The following KAZN variants were observed in gnomAD, a reference collection of about 807,000 sequenced individuals.
KAZN encodes the protein kazrin, periplakin interacting protein.
KAZN carries 40 observed loss-of-function variants against 87.4 expected under a neutral mutation model. That is an observed-to-expected ratio of 0.46 (90% CI 0.36 to 0.60). The LOEUF is 0.60. Ranked by LOEUF, KAZN falls within the 20% of genes least tolerant of loss-of-function variation. KAZN has a pLI of 0.00. For synonymous variants in KAZN, 466 were observed against 458.3 expected (o/e 1.02, Z -0.22); for missense variants, 898 against 1,073.9 (o/e 0.84, Z 2.29).
chr1:14,386,805 T>A (rs1169142656), intron 2 of KAZN, among the ~76,000 whole-genome samples: 1 of 152,062 alleles, frequency 6.6e-6, no homozygotes. Context: ...GAGTTGCTCT[T>A]CTCAAGGAGT....
At chr1:14,463,033 T>C (rs1301106343) in intron 2 of KAZN, among the ~76,000 whole-genome samples, 2 of 152,182 alleles carry the variant, frequency 1.3e-5, no homozygotes, top group African/African-American at 4.8e-5. Flanking sequence ...GGCCCAGGAT[T>C]GGCAACTTAC....
chr1:14,922,280 G>A (rs1266676352), intron 1 of KAZN, among the ~76,000 whole-genome samples: 2 of 152,152 alleles, frequency 1.3e-5, no homozygotes, highest in Non-Finnish European at 2.9e-5. Context: ...AGACAGTCCT[G>A]GACCAGATTC....
chr1:14,165,840 AG>A (rs1645813863), intron 1 of KAZN, among the ~76,000 whole-genome samples: 1 of 152,152 alleles, frequency 6.6e-6, no homozygotes, highest in Non-Finnish European at 1.5e-5. Flanking sequence ...CATGTAGATC[AG>A]GCAAACAGTT....
At chr1:14,192,746 C>T (rs935172077) in intron 2 of KAZN, among the ~76,000 whole-genome samples, 3 of 152,132 alleles carry the variant, frequency 2.0e-5, no homozygotes, top group African/African-American at 7.2e-5. Context: ...CAAATGGATG[C>T]CCTACACTGC....
chr1:14,766,317 G>A (rs4661302), intron 1 of KAZN, among the ~76,000 whole-genome samples: 131,227 of 151,694 alleles, frequency 0.87, 57,255 homozygotes, highest in Middle Eastern at 0.93. Flanking sequence ...GTTGCCCCCA[G>A]TTGCACCATA....
intron 1 of KAZN, among the ~76,000 whole-genome samples, chr1:14,688,605 C>G (rs1572228166): frequency 6.6e-6 from 1 of 152,318 alleles, no homozygotes; most frequent in East Asian, 1.9e-4. Flanking sequence ...AAAGCAGCAG[C>G]AAGGGAGGGG....
At chr1:14,180,660 G>A in intron 2 of KAZN, 1 of 1,344,990 alleles carries the variant, frequency 7.4e-7, no homozygotes, top group Non-Finnish European at 1.0e-6. Context: ...GGCATAAGCT[G>A]TCCAAAAATG....
chr1:13,975,787 G>T (rs548610225), intron 1 of KAZN, among the ~76,000 whole-genome samples: 1 of 152,272 alleles, frequency 6.6e-6, no homozygotes, highest in East Asian at 1.9e-4. Context: ...CACATTGATG[G>T]GGTCAGTCAA....
chr1:14,221,112 T>C (rs1647087412), intron 2 of KAZN, among the ~76,000 whole-genome samples: 4 of 152,186 alleles, frequency 2.6e-5, no homozygotes, highest in Admixed American at 1.3e-4. Context: ...TTAGTGTTTA[T>C]TAGCCCTGAG....
intron 2 of KAZN, among the ~76,000 whole-genome samples, chr1:14,993,041 G>A (rs1178207853): frequency 6.6e-6 from 1 of 150,454 alleles, no homozygotes; most frequent in African/African-American, 2.4e-5. Context: ...TGGCCTGGCT[G>A]GTCTCAAACT....
intron 1 of KAZN, among the ~76,000 whole-genome samples, chr1:14,836,470 C>T (rs1463888984): frequency 6.6e-6 from 1 of 152,190 alleles, no homozygotes; most frequent in Non-Finnish European, 1.5e-5. Context: ...GATGTTCCAC[C>T]GCTAAAGAGT....
At chr1:14,954,137 T>G (rs111351927) in intron 1 of KAZN, among the ~76,000 whole-genome samples, 76 of 152,318 alleles carry the variant, frequency 5.0e-4, no homozygotes, top group African/African-American at 1.7e-3. Context: ...GCTGGTATCA[T>G]TATCCCCCCT....
chr1:14,336,284 G>C (rs1557647326), intron 2 of KAZN, among the ~76,000 whole-genome samples: 1 of 152,178 alleles, frequency 6.6e-6, no homozygotes, highest in Non-Finnish European at 1.5e-5. Flanking sequence ...TCATGTTGCA[G>C]CATGTATTAG....
intron 1 of KAZN, among the ~76,000 whole-genome samples, chr1:13,898,589 G>A (rs1639133117): frequency 6.6e-6 from 1 of 152,206 alleles, no homozygotes; most frequent in Non-Finnish European, 1.5e-5. Context: ...AGGGAGATGA[G>A]GACAGGAAGG....
chr1:14,547,247 T>G (rs1044550773), intron 2 of KAZN, among the ~76,000 whole-genome samples: 1 of 152,206 alleles, frequency 6.6e-6, no homozygotes, highest in Non-Finnish European at 1.5e-5. Flanking sequence ...CTGCCTATAT[T>G]TGGAATACCA....
chr1:14,019,898 G>A (rs1458670136), intron 1 of KAZN, among the ~76,000 whole-genome samples: 1 of 152,078 alleles, frequency 6.6e-6, no homozygotes, highest in East Asian at 1.9e-4. Flanking sequence ...GATGATTCAA[G>A]CACATTACAT....
intron 1 of KAZN, among the ~76,000 whole-genome samples, chr1:14,791,385 C>T (rs1475572797): frequency 6.6e-6 from 1 of 152,204 alleles, no homozygotes; most frequent in African/African-American, 2.4e-5. Flanking sequence ...TCACTGGAGC[C>T]TCATCCTGAC....
rs115543953 is a variant in KAZN, at chr1:14,411,008, G to A, written c.250-187975G>A. On this transcript the variant is annotated intron_variant, in intron 2 of 16. Coordinates refer to the KAZN transcript ENST00000636203. ...ATTTGTTTCAGCATCCCTAGGAAAC[G>A]AACACAACATATATGGATAGATTGA... Among the ~76,000 whole-genome samples, 783 of 152,220 alleles carry A rather than the reference G, an allele frequency of 5.1e-3. 7 individuals carry two copies. Among genetic ancestry groups the A allele is most frequent in the African/African-American group, 0.018 (748 of 41,538 alleles).
At chr1:14,826,873 G>A (rs17368807) in intron 1 of KAZN, among the ~76,000 whole-genome samples, 6,695 of 152,244 alleles carry the variant, frequency 0.044, 177 homozygotes, top group Non-Finnish European at 0.061. Context: ...TTGGTGCAGC[G>A]AAAAGAATGA....
Sources: allele counts gnomAD v4.1 joint callset (sites outside exome capture counted in the v4.1 genomes callset), GRCh38; gene constraint gnomAD v4.1.1; transcripts MANE v1.5; gene names NCBI Gene and HGNC (gene_info 2026-07-23, HGNC 2026-07-21).